The following UBAP2 variants were observed in gnomAD, a reference collection of about 807,000 sequenced individuals.
UBAP2 encodes ubiquitin associated protein 2.
UBAP2 carries 75 observed loss-of-function variants against 139.6 expected under a neutral mutation model. That is an observed-to-expected ratio of 0.54 (90% CI 0.45 to 0.65). UBAP2 has a LOEUF of 0.65. UBAP2 is among the 30% of genes least tolerant of loss of function. The pLI, the probability that UBAP2 is intolerant of heterozygous loss-of-function variation, is 0.00. For missense variants in UBAP2, 1,368 were observed against 1,369.6 expected (o/e 1.00, Z 0.02); for synonymous variants, 526 against 526.2 (o/e 1.00, Z 0.01).
intron 1 of UBAP2, among the ~76,000 whole-genome samples, chr9:34,038,848 GC>G (rs1300859996): frequency 4.0e-5 from 6 of 151,270 alleles, no homozygotes; most frequent in Non-Finnish European, 7.4e-5. Context: ...GAGCGTCTCT[GC>G]CCGGCCGCCC....
Position 33,923,014 on chromosome 9 carries a change from G to A in UBAP2, c.3024C>T (p.Ser1008=), listed in dbSNP as rs1823054020. Residue 1008 remains serine, a synonymous_variant, in exon 27 of 29, where the codon AGC becomes AGT. Coordinates refer to ENST00000379238, the MANE Select transcript of UBAP2 (RefSeq NM_001370062.2). ...GPGKGVSVSS[S]TTGLPDMTGS... ...CAGTCATATCAGGTAGACCAGTGGT[G>A]CTTGAAGACACTGATACTCCTAGGA... 3 of 1,614,202 alleles carry A rather than the reference G, an allele frequency of 1.9e-6. No individual in the cohort carries two copies. The highest frequency in any genetic ancestry group is 1.1e-5 in the South Asian group (1 of 91,080).
intron 16 of UBAP2, among the ~76,000 whole-genome samples, chr9:33,941,328 TC>T (rs1346715054): frequency 6.6e-6 from 1 of 152,092 alleles, no homozygotes; most frequent in Non-Finnish European, 1.5e-5. Context: ...AATGGGGCAA[TC>T]AGAGAGAAAG....
chr9:33,954,051 C>T (rs1393926937), intron 11 of UBAP2, among the ~76,000 whole-genome samples: 2 of 151,936 alleles, frequency 1.3e-5, no homozygotes, highest in South Asian at 2.1e-4. Flanking sequence ...GGATTACAGG[C>T]GTGTGCCACC....
chr9:33,983,905 C>T (rs573176745), intron 6 of UBAP2, among the ~76,000 whole-genome samples: 4 of 152,248 alleles, frequency 2.6e-5, no homozygotes, highest in Non-Finnish European at 4.4e-5. Flanking sequence ...TAGAATAATA[C>T]TGAATCCCTG....
At chr9:33,989,484 A>C (rs1214699855) in intron 4 of UBAP2, among the ~76,000 whole-genome samples, 1 of 152,080 alleles carries the variant, frequency 6.6e-6, no homozygotes, top group Non-Finnish European at 1.5e-5. Context: ...TACAGGCGTG[A>C]GCCACCGCGC....
intron 6 of UBAP2, among the ~76,000 whole-genome samples, chr9:33,979,444 G>A (rs1019732507): frequency 4.6e-5 from 7 of 152,134 alleles, no homozygotes; most frequent in Admixed American, 6.5e-5. Context: ...GTGTGGTGGC[G>A]CATGCCTGTT....
At chr9:33,943,348 A>G in intron 15 of UBAP2, 72 bp downstream of exon 15, 1 of 1,471,096 alleles carries the variant, frequency 6.8e-7, no homozygotes, top group Non-Finnish European at 9.3e-7. Flanking sequence ...TTACCACAGG[A>G]TGTATTCTTT....
At chr9:34,026,217 A>G (rs1446142601) in intron 1 of UBAP2, among the ~76,000 whole-genome samples, 1 of 152,180 alleles carries the variant, frequency 6.6e-6, no homozygotes, top group Non-Finnish European at 1.5e-5. Context: ...AGTTAATTAA[A>G]TCCCAAACTA....
rs1826431261 is a variant in UBAP2 at position 34,036,856 on chromosome 9, C to A, written c.-42+11969G>T. On this transcript the variant is annotated intron_variant, in intron 1 of 28. Coordinates refer to ENST00000379238, the MANE Select transcript of UBAP2 (RefSeq NM_001370062.2). ...CAAGGTCTCATTCTGTCTGCCCAGG[C>A]TGGAGCACAGTGGTGCGATCTCAGG... 2.1e-5 allele frequency among the ~76,000 whole-genome samples: 3 copies of A among 143,402 alleles called. 1 individual carries two copies. In the South Asian group the frequency reaches 6.7e-4, roughly 32 times the overall value. The allele number at this position is 143,402 out of a possible 152,430, so 94.1% of individuals were successfully genotyped here. A position where few individuals can be genotyped will look rare whatever the true frequency, so the allele number is the denominator to read the frequency against.
Position 33,923,589 on chromosome 9 carries a change from A to T in UBAP2, c.2797-111T>A, listed in dbSNP as rs1823134538. 9 of 1,164,380 alleles carry T rather than the reference A, an allele frequency of 7.7e-6. No homozygotes were observed. In the East Asian group the frequency reaches 2.1e-4, roughly 27 times the overall value. The allele number at this position is 1,164,380 out of a possible 1,614,324, so 72.1% of individuals were successfully genotyped here. On this transcript the variant is annotated intron_variant, in intron 24 of 28. Coordinates refer to ENST00000379238, the MANE Select transcript of UBAP2 (RefSeq NM_001370062.2). ...GGTGACATACCCACAACCACAGGGGACCTGTGTTTTCATTAGTGCAACACA... is the reference window on the plus strand; with the variant it reads ...GGTGACATACCCACAACCACAGGGGTCCTGTGTTTTCATTAGTGCAACACA...
At chr9:33,984,757 T>C (rs1222809780) in intron 6 of UBAP2, among the ~76,000 whole-genome samples, 1 of 151,544 alleles carries the variant, frequency 6.6e-6, no homozygotes, top group African/African-American at 2.4e-5. Context: ...AAAATGCTCA[T>C]CACTAAACAT....
At chr9:34,044,306 CAGG>C (rs1371235878) in intron 1 of UBAP2, among the ~76,000 whole-genome samples, 1 of 151,724 alleles carries the variant, frequency 6.6e-6, no homozygotes, top group African/African-American at 2.4e-5. Context: ...GAGGCTGAGG[CAGG>C]AGAATGGCGT....
chr9:33,987,083 A>G (rs1821283280), intron 5 of UBAP2, among the ~76,000 whole-genome samples: 1 of 152,014 alleles, frequency 6.6e-6, no homozygotes, highest in Non-Finnish European at 1.5e-5. Context: ...CTTGAGCCCA[A>G]GAGCTTGAGA....
intron 1 of UBAP2, among the ~76,000 whole-genome samples, chr9:34,044,672 T>A (rs1023952966): frequency 6.6e-6 from 1 of 151,528 alleles, no homozygotes; most frequent in Non-Finnish European, 1.5e-5. Flanking sequence ...CCAAGACCAA[T>A]ATGGCCAACA....
intron 8 of UBAP2, among the ~76,000 whole-genome samples, chr9:33,967,552 G>A (rs1446079822): frequency 6.6e-6 from 1 of 151,944 alleles, no homozygotes; most frequent in Non-Finnish European, 1.5e-5. Flanking sequence ...TCCTTTCATA[G>A]ATCTTATTGT....
At chr9:34,009,378 C>T (rs1026092958) in intron 2 of UBAP2, among the ~76,000 whole-genome samples, 10 of 151,792 alleles carry the variant, frequency 6.6e-5, no homozygotes, top group South Asian at 2.1e-4. Context: ...GGATTACAGA[C>T]GCAAGCCACC....
chr9:34,043,185 G>A (rs1194856951), intron 1 of UBAP2, among the ~76,000 whole-genome samples: 1 of 152,000 alleles, frequency 6.6e-6, no homozygotes, highest in Non-Finnish European at 1.5e-5. Context: ...TGTTTTTTGG[G>A]TTTTTCTTCT....
chr9:33,990,424 T>C (rs1381698566), intron 4 of UBAP2, among the ~76,000 whole-genome samples: 1 of 152,170 alleles, frequency 6.6e-6, no homozygotes, highest in Non-Finnish European at 1.5e-5. Context: ...TCTGGTCTTC[T>C]GCAAAGCTGT....
intron 16 of UBAP2, among the ~76,000 whole-genome samples, chr9:33,937,173 A>G (rs1386440531): frequency 6.6e-6 from 1 of 152,116 alleles, no homozygotes; most frequent in Non-Finnish European, 1.5e-5. Context: ...ATGGTAGCAC[A>G]TCAAGAACTA....
Sources: allele counts gnomAD v4.1 joint callset (sites outside exome capture counted in the v4.1 genomes callset), GRCh38; gene constraint gnomAD v4.1.1; transcripts MANE v1.5; gene names NCBI Gene and HGNC (gene_info 2026-07-23, HGNC 2026-07-21).